DST: variants seen among roughly 807,000 people sequenced by gnomAD.
DST encodes bullous pemphigoid antigen.
A neutral mutation model predicts 875.2 loss-of-function variants in DST; 253 were observed. The ratio of observed to expected loss-of-function variants is 0.29; its 90% CI spans 0.26 to 0.32. The LOEUF (loss-of-function observed/expected upper bound fraction) is 0.32. DST is among the 10% of genes least tolerant of loss of function. The probability of loss-of-function intolerance (pLI) is 1.00; values close to 1 mark genes in which losing one functional copy is unlikely to be tolerated. For synonymous variants in DST, 3,124 were observed against 3,197.1 expected, an observed-to-expected ratio of 0.98 and a Z score of 0.77; for missense variants, 8,287 against 9,111.6, an observed-to-expected ratio of 0.91 and a Z score of 3.68.
chr6:56,664,288 C>T (rs1473067234), intron 10 of DST, among the ~76,000 whole-genome samples: 1 of 152,184 alleles, frequency 6.6e-6, no homozygotes, highest in Non-Finnish European at 1.5e-5. Flanking sequence ...TGTTCTAAGG[C>T]AGATATCTAC....
At chr6:56,485,964 C>G (rs2095546077) in intron 87 of DST, among the ~76,000 whole-genome samples, 1 of 152,120 alleles carries the variant, frequency 6.6e-6, no homozygotes, top group Non-Finnish European at 1.5e-5. Context: ...ATTCATTGAT[C>G]CGTTTGTCAG....
intron 4 of DST, among the ~76,000 whole-genome samples, chr6:56,736,366 A>G (rs1369056882): frequency 6.6e-6 from 1 of 152,234 alleles, no homozygotes; most frequent in Non-Finnish European, 1.5e-5. Context: ...TGGTTCATCA[A>G]GTTATTATTT....
chr6:56,701,508 T>TAC (rs1450916969), intron 8 of DST, among the ~76,000 whole-genome samples: 2 of 148,662 alleles, frequency 1.3e-5, no homozygotes, highest in African/African-American at 5.2e-5. Flanking sequence ...TAACTATTTT[T>TAC]ATATACTAAG....
Position 56,608,658 on chromosome 6 carries a change from C to G in DST, c.5970G>C (p.Gln1990His). Reference protein sequence around the residue: ...RETMFRLLSAQLLSGGLINSN... With the variant: ...RETMFRLLSAHLLSGGLINSN... Reference sequence around the variant, plus strand: ...AATTGATCAGACCTCCAGAAAGAAGCTGTGCACTTAACAACCTAAACATGG... The same window carrying G: ...AATTGATCAGACCTCCAGAAAGAAGGTGTGCACTTAACAACCTAAACATGG... The change falls in exon 40 of 104, where the codon CAG becomes CAC. Residue 1990 changes from glutamine to histidine, a missense_variant. Transcript: ENST00000680361. 6.2e-7 allele frequency: 1 copy of G among 1,613,206 alleles called. No homozygotes were observed. Among genetic ancestry groups the G allele is most frequent in the African/African-American group, 1.3e-5 (1 of 75,032 alleles).
At chr6:56,474,331 A>G (rs2095057796) in intron 92 of DST, 1 of 198,790 alleles carries the variant, frequency 5.0e-6, no homozygotes, top group Admixed American at 5.9e-5. Flanking sequence ...TAAAATTACA[A>G]AAATTAACCA....
chr6:56,483,527 C>CTTTTTTT lies in DST; in HGVS notation c.21208-657_21208-651dup, dbSNP rs138042978. ...CTTAGAGGAAAAGCTTCTGGGTTTGCTTTTTTTTTTTTTTTTTTTTTTTTT... is the reference window on the plus strand; with the variant it reads ...CTTAGAGGAAAAGCTTCTGGGTTTGCTTTTTTTTTTTTTTTTTTTTTTTTTTTTTTTT... On this transcript the variant is annotated intron_variant, in intron 88 of 103. Coordinates refer to ENST00000680361, the MANE Select transcript of DST (RefSeq NM_001374736.1). The CTTTTTTT allele has an allele frequency of 3.1e-3, 187 of 60,038 alleles. 16 individuals carry two copies. Among genetic ancestry groups the CTTTTTTT allele is most frequent in the African/African-American group, 9.8e-3 (130 of 13,202 alleles). The allele number at this position is 60,038 out of a possible 1,614,324, so 3.7% of individuals were successfully genotyped here.
chr6:56,748,163 A>G (rs1018755116), intron 4 of DST, among the ~76,000 whole-genome samples: 2 of 152,192 alleles, frequency 1.3e-5, no homozygotes, highest in Non-Finnish European at 2.9e-5. Flanking sequence ...AGGTGCCTTT[A>G]GACTTCAAAA....
rs1411445076 is a variant in DST, at chr6:56,593,772, T to G, written c.12617A>C (p.Lys4206Thr). ...GCCACCGTCTCTCTTGCTGCAAGAT[T>G]TGGCAGCTTCCAACACTCTGTTTCC... The part of the protein sequence containing the change: ...ISGNRVLEAA[K>T]SCSKRDGGKV... The change falls in exon 48 of 104, where the codon AAA (lysine) becomes ACA (threonine). Residue 4206 changes from lysine (K) to threonine (T), a missense_variant. Around this residue, in one of 10 missense-constraint regions of DST, gnomAD observed 1,513 missense variants for 1,677.8 expected, o/e 0.90. Transcript: ENST00000680361. 10 of 1,613,862 alleles carry G rather than the reference T, an allele frequency of 6.2e-6. No individual in the cohort carries two copies. In the South Asian group the frequency reaches 1.1e-4, roughly 18 times the overall value.
intron 3 of DST, among the ~76,000 whole-genome samples, chr6:56,869,381 A>G (rs1043794797): frequency 6.6e-6 from 1 of 152,216 alleles, no homozygotes; most frequent in Admixed American, 6.5e-5. Flanking sequence ...ATTCCCTCTC[A>G]TCTAAAGTTT....
chr6:56,954,551 A>T lies in DST; in HGVS notation c.37T>A (p.Tyr13Asn). The change falls in exon 1 of 104, where the codon TAC (tyrosine) becomes AAC (asparagine). Residue 13 changes from tyrosine to asparagine, a missense_variant. Coordinates refer to ENST00000680361, the MANE Select transcript of DST (RefSeq NM_001374736.1). ...AGGAAGAGGGCACATTGGATGCTGT[A>T]GGGTCTCAGCAAGACGAGGAAAGCC... ...AAAFLVLLRP[Y>N]SIQCALFLLL... is the part of the protein sequence containing the mutation. 3 of 1,367,096 alleles carry T rather than the reference A, an allele frequency of 2.2e-6. No individual in the cohort carries two copies. The highest frequency in any genetic ancestry group is 2.9e-6 in the Non-Finnish European group (3 of 1,021,684). The allele number at this position is 1,367,096 out of a possible 1,614,324, so 84.7% of individuals were successfully genotyped here.
intron 90 of DST, among the ~76,000 whole-genome samples, chr6:56,477,743 T>C (rs1052871951): frequency 2.0e-5 from 3 of 152,182 alleles, no homozygotes; most frequent in Non-Finnish European, 2.9e-5. Flanking sequence ...ATACCGTGCA[T>C]AATAAAATCC....
At chr6:56,685,930 C>A (rs1163098773) in intron 9 of DST, among the ~76,000 whole-genome samples, 1 of 152,132 alleles carries the variant, frequency 6.6e-6, no homozygotes, top group African/African-American at 2.4e-5. Flanking sequence ...ACCCAGTAGT[C>A]CCATTACTGG....
At chr6:56,695,053 G>A (rs2099255612) in intron 9 of DST, among the ~76,000 whole-genome samples, 1 of 150,778 alleles carries the variant, frequency 6.6e-6, no homozygotes, top group East Asian at 1.9e-4. Context: ...CTTGAACCCA[G>A]GAGGTGGAGG....
intron 4 of DST, among the ~76,000 whole-genome samples, chr6:56,799,551 G>A (rs1215545460): frequency 1.3e-5 from 2 of 151,708 alleles, no homozygotes; most frequent in African/African-American, 4.8e-5. Flanking sequence ...ATTATGACTC[G>A]CTGAAGGCTC....
chr6:56,578,419 T>C (rs1426810397), intron 50 of DST, among the ~76,000 whole-genome samples: 1 of 152,064 alleles, frequency 6.6e-6, no homozygotes, highest in Non-Finnish European at 1.5e-5. Flanking sequence ...TCTCAACCTC[T>C]TAAACCCACG....
chr6:56,778,725 A>G (rs2099685179), intron 4 of DST, among the ~76,000 whole-genome samples: 1 of 151,706 alleles, frequency 6.6e-6, no homozygotes, highest in Non-Finnish European at 1.5e-5. Flanking sequence ...ATCATTTTTT[A>G]TGGCTGTATA....
intron 2 of DST, among the ~76,000 whole-genome samples, chr6:56,919,612 GC>G (rs1215201875): frequency 1.3e-5 from 2 of 152,054 alleles, no homozygotes; most frequent in East Asian, 3.8e-4. Context: ...GATTCCAAAT[GC>G]CCATCTTTAT....
At chr6:56,900,358 A>G (rs1420357394) in intron 3 of DST, 63 bp downstream of exon 3, 1 of 1,262,196 alleles carries the variant, frequency 7.9e-7, no homozygotes, top group Non-Finnish European at 1.1e-6. Context: ...TTTAAACTAA[A>G]AGAACAACCA....
intron 2 of DST, among the ~76,000 whole-genome samples, chr6:56,948,244 T>C (rs907985732): frequency 2.0e-5 from 3 of 152,134 alleles, no homozygotes; most frequent in Non-Finnish European, 4.4e-5. Flanking sequence ...CCTTACTAAG[T>C]CAAGAAGTTT....
Sources: gnomAD v4.1 joint callset for allele counts (sites outside exome capture counted in the v4.1 genomes callset) on GRCh38, gnomAD v4.1.1 for gene constraint, gnomAD v4.1.1 regional missense constraint, MANE v1.5 for transcripts, NCBI Gene and HGNC (gene_info 2026-07-23, HGNC 2026-07-21) for gene names.